ARMC8: variants seen among roughly 807,000 people sequenced by gnomAD.
ARMC8 encodes armadillo repeat containing 8, also known as armadillo repeat-containing protein 8.
In ARMC8, 20 loss-of-function variants were observed where a neutral mutation model predicts 99.3. That is an observed-to-expected ratio of 0.20 (90% CI 0.14 to 0.29). The LOEUF (loss-of-function observed/expected upper bound fraction) is 0.29. Among genes scored for constraint, ARMC8 ranks in the 10% least tolerant of loss-of-function variants. The probability of loss-of-function intolerance (pLI) is 1.00; values close to 1 mark genes in which losing one functional copy is unlikely to be tolerated. For synonymous variants in ARMC8, 263 were observed against 278.3 expected, an observed-to-expected ratio of 0.95 and a Z score of 0.55; for missense variants, 569 against 809.5, an observed-to-expected ratio of 0.70 and a Z score of 3.60.
chr3:138,246,188 A>C (rs2046872953), intron 12 of ARMC8: 2 of 985,824 alleles, frequency 2.0e-6, no homozygotes, highest in Non-Finnish European at 2.4e-6. Flanking sequence ...GAAGAAACTG[A>C]AGTAATAGCA....
chr3:138,269,442 T>C (rs1197690372), intron 15 of ARMC8, among the ~76,000 whole-genome samples: 4 of 152,190 alleles, frequency 2.6e-5, no homozygotes, highest in African/African-American at 9.6e-5. Flanking sequence ...AGATGTAAAA[T>C]GTGGCATGAC....
chr3:138,293,623 A>T (rs536306958), intron 21 of ARMC8, among the ~76,000 whole-genome samples: 22 of 152,200 alleles, frequency 1.4e-4, no homozygotes, highest in Admixed American at 1.3e-3. Context: ...AGTCAAGTCC[A>T]TCCACATGCT....
Position 138,297,497 on chromosome 3 carries a change from G to C in ARMC8, c.*1605G>C, listed in dbSNP as rs2051588396. The C allele has an allele frequency of 6.6e-6, 1 of 152,120 alleles. No individual in the cohort carries two copies. The highest frequency in any genetic ancestry group is 2.1e-4 in the South Asian group (1 of 4,820). 9.4% of individuals were successfully genotyped at this position (152,120 alleles called of 1,614,324 possible). ...CCCACCCACCAGCCACTCCTGATGG[G>C]GTTGCTCACACTGCAGCTGCCCTAT... On this transcript the variant is annotated 3_prime_UTR_variant, in exon 22 of 22. Transcript: ENST00000469044.
At chr3:138,245,466 T>TTC in intron 12 of ARMC8, 1 of 1,340,234 alleles carries the variant, frequency 7.5e-7, no homozygotes, top group Non-Finnish European at 9.5e-7. Flanking sequence ...TTTGCATGTG[T>TTC]TCTGATAAAA....
intron 12 of ARMC8, chr3:138,262,457 T>C: frequency 2.0e-6 from 3 of 1,473,502 alleles, no homozygotes; most frequent in Non-Finnish European, 1.9e-6. Flanking sequence ...CAACAATATT[T>C]TCTTCTCTTC....
rs1413426596 is a variant in ARMC8 at position 138,242,106 on chromosome 3, C to T, written c.1038+123C>T. Reference sequence around the variant, plus strand: ...CCCTTTTAAATAAAGGTTCTTTTATCTTTGGTAACATAGATAATATTGCTT... The same window carrying T: ...CCCTTTTAAATAAAGGTTCTTTTATTTTTGGTAACATAGATAATATTGCTT... On this transcript the variant is annotated intron_variant, in intron 11 of 21. Transcript: ENST00000469044. The T allele has an allele frequency of 5.4e-6, 4 of 736,168 alleles. No homozygotes were observed. The Admixed American group carries it at 8.5e-5, about 16-fold the overall frequency. The allele number at this position is 736,168 out of a possible 1,614,324, so 45.6% of individuals were successfully genotyped here.
intron 12 of ARMC8, among the ~76,000 whole-genome samples, chr3:138,259,730 T>C (rs965145180): frequency 6.6e-6 from 1 of 152,200 alleles, no homozygotes; most frequent in African/African-American, 2.4e-5. Context: ...GGAAAGCGTT[T>C]ACCAGCCACC....
At position 138,244,283 on chromosome 3, in the gene ARMC8, T is replaced by C. The variant is rs190058083; in HGVS notation, c.1039-805T>C. ...TTTTTATTTTATTTATTTTTATTTA[T>C]TTATTTATTTTTGAGATGTAGTCTC... On this transcript the variant is annotated intron_variant, in intron 11 of 21. Transcript: ENST00000469044. Among the ~76,000 whole-genome samples, 1,262 of 152,152 alleles carry C rather than the reference T, an allele frequency of 8.3e-3. 8 individuals carry two copies. The highest frequency in any genetic ancestry group is 0.013 in the Non-Finnish European group (900 of 67,990).
At chr3:138,209,742 T>G in intron 1 of ARMC8, 75 bp from the exon 2 acceptor site, 3 of 1,224,936 alleles carry the variant, frequency 2.4e-6, no homozygotes, top group Non-Finnish European at 3.6e-6. Context: ...TCTAGTCACT[T>G]GATATTGTGG....
At chr3:138,243,719 T>A (rs2046743940) in intron 11 of ARMC8, among the ~76,000 whole-genome samples, 1 of 152,130 alleles carries the variant, frequency 6.6e-6, no homozygotes, top group African/African-American at 2.4e-5. Flanking sequence ...CAACTGAATT[T>A]CTCCATCTTC....
At chr3:138,261,715 A>G (rs2047762341) in intron 12 of ARMC8, 1 of 152,254 alleles carries the variant, frequency 6.6e-6, no homozygotes, top group African/African-American at 2.4e-5. Flanking sequence ...AATGAGAGGT[A>G]GGACAGAGTA....
intron 21 of ARMC8, among the ~76,000 whole-genome samples, chr3:138,291,049 A>G (rs932019746): frequency 2.6e-5 from 4 of 152,232 alleles, no homozygotes; most frequent in African/African-American, 9.6e-5. Context: ...AAAAGCTACC[A>G]CTAAGGAATC....
chr3:138,196,598 G>A (rs1158906951), intron 1 of ARMC8, among the ~76,000 whole-genome samples: 7 of 152,172 alleles, frequency 4.6e-5, no homozygotes, highest in Admixed American at 6.5e-5. Flanking sequence ...GCCAGGCACG[G>A]TGATTCACGC....
intron 18 of ARMC8, among the ~76,000 whole-genome samples, chr3:138,280,524 C>G (rs576041867): frequency 6.7e-6 from 1 of 149,052 alleles, no homozygotes; most frequent in Admixed American, 6.7e-5. Context: ...GACAGTCTCT[C>G]GCTCTGTCGC....
At position 138,267,170 on chromosome 3, in the gene ARMC8, C is replaced by T; in HGVS notation, c.1315C>T (p.Pro439Ser). 5 of 1,569,058 alleles carry T rather than the reference C, an allele frequency of 3.2e-6. No homozygotes were observed. Among genetic ancestry groups the T allele is most frequent in the Non-Finnish European group, 4.3e-6 (5 of 1,154,574 alleles). Residue 439 changes from proline (P) to serine (S), a missense_variant, in exon 15 of 22, where the codon CCA becomes TCA. Pro to Ser is a moderately conservative substitution (Grantham distance 74). Transcript: ENST00000469044. Reference protein sequence around the residue: ...KPLMKVLQNAPDEILVVASSM... With the variant: ...KPLMKVLQNASDEILVVASSM... The stretch of plus-strand genomic sequence containing the variant: ...AATTCCATAGGTTTTACAAAATGCA[C>T]CAGATGAAATCCTAGTGGTAGCATC...
Position 138,223,515 on chromosome 3 carries a change from C to G in ARMC8, c.321C>G (p.Ile107Met). Reference protein sequence around the residue: ...NVKSLLDCHIIPALLQGLLSP... With the variant: ...NVKSLLDCHIMPALLQGLLSP... The stretch of plus-strand genomic sequence containing the variant: ...AGTCTCTACTGGACTGCCATATTAT[C>G]CCTGCCTTATTGCAAGGTATGTAGG... Residue 107 changes from isoleucine to methionine, a missense_variant, in exon 4 of 22, where the codon ATC becomes ATG. Physicochemically the swap from Ile to Met is conservative, Grantham distance 10. This residue lies in a region of ARMC8 where 342 missense variants were observed against 391.6 expected (regional missense o/e 0.87). Coordinates refer to ENST00000469044, the MANE Select transcript of ARMC8 (RefSeq NM_001363941.2). 6.2e-7 allele frequency: 1 copy of G among 1,614,166 alleles called. No homozygotes were observed. The highest frequency in any genetic ancestry group is 8.5e-7 in the Non-Finnish European group (1 of 1,180,042).
At position 138,275,842 on chromosome 3, in the gene ARMC8, A is replaced by T. The variant is rs548056757; in HGVS notation, c.1725+1298A>T. Among the ~76,000 whole-genome samples the T allele has an allele frequency of 5.9e-5, 9 of 152,278 alleles. No individual in the cohort carries two copies. The South Asian group carries it at 1.7e-3, about 28-fold the overall frequency. ...GATATTTTACGTGATATCTCTTAAA[A>T]TTTTTTTTAAAACTGTGTTTTGATG... On this transcript the variant is annotated intron_variant, in intron 18 of 21. Coordinates refer to ENST00000469044, the MANE Select transcript of ARMC8 (RefSeq NM_001363941.2).
intron 21 of ARMC8, among the ~76,000 whole-genome samples, chr3:138,292,838 C>T (rs1277640815): frequency 6.6e-6 from 1 of 152,084 alleles, no homozygotes; most frequent in Non-Finnish European, 1.5e-5. Context: ...ATCTAGAGTC[C>T]CTCCAGCATT....
intron 5 of ARMC8, among the ~76,000 whole-genome samples, chr3:138,226,075 C>T (rs2045680101): frequency 6.6e-6 from 1 of 152,178 alleles, no homozygotes; most frequent in Non-Finnish European, 1.5e-5. Context: ...TCACTGCAAC[C>T]TCCACCTCCC....
Sources: gnomAD v4.1 joint callset for allele counts (sites outside exome capture counted in the v4.1 genomes callset) on GRCh38, gnomAD v4.1.1 for gene constraint, gnomAD v4.1.1 regional missense constraint, MANE v1.5 for transcripts, NCBI Gene and HGNC (gene_info 2026-07-23, HGNC 2026-07-21) for gene names.